The following PTPRN2 variants were observed in gnomAD, a reference collection of about 807,000 sequenced individuals.
The protein encoded by PTPRN2 is receptor-type tyrosine-protein phosphatase N2.
Under a neutral mutation model 118.8 loss-of-function variants are expected in PTPRN2, and 74 were observed. That is an observed-to-expected ratio of 0.62 (90% CI 0.52 to 0.76). The LOEUF (loss-of-function observed/expected upper bound fraction) is 0.76, where lower values mean the gene tolerates loss of function less well. Among genes scored for constraint, PTPRN2 ranks in the 30% least tolerant of loss-of-function variants. The probability of loss-of-function intolerance (pLI) is 0.00; values close to 1 mark genes in which losing one functional copy is unlikely to be tolerated. For synonymous variants in PTPRN2, 641 were observed against 608.0 expected (o/e 1.05, Z -0.80); for missense variants, 1,481 against 1,394.4 (o/e 1.06, Z -0.99).
chr7:158,404,276 C>T (rs925271932), intron 2 of PTPRN2, among the ~76,000 whole-genome samples: 7 of 152,224 alleles, frequency 4.6e-5, no homozygotes, highest in Non-Finnish European at 1.0e-4. Context: ...CGTGGGAAGA[C>T]GTCAGACCTT....
chr7:157,864,974 C>T (rs13239010), intron 12 of PTPRN2: 32,123 of 152,212 alleles, frequency 0.21, 3,488 homozygotes, highest in Admixed American at 0.24. Context: ...CGTGGTAGGA[C>T]CTGTGTCTCT....
intron 12 of PTPRN2, chr7:157,855,861 G>A (rs1809675062): frequency 6.6e-6 from 1 of 152,194 alleles, no homozygotes; most frequent in Non-Finnish European, 1.5e-5. Flanking sequence ...ATTATTTCAG[G>A]GACAGCCACC....
chr7:158,159,340 G>A lies in PTPRN2; in HGVS notation c.910+7591C>T, dbSNP rs535180470. 1.2e-4 allele frequency among the ~76,000 whole-genome samples: 18 copies of A among 152,302 alleles called. No individual in the cohort carries two copies. The South Asian group carries it at 3.7e-3, about 32-fold the overall frequency. On this transcript the variant is annotated intron_variant, in intron 6 of 22. Coordinates refer to ENST00000389418, the MANE Select transcript of PTPRN2 (RefSeq NM_002847.5). Reference sequence around the variant, plus strand: ...AGTGCACTTCCCACATGAACACCACGGGCCCCATCTTAGGACAGAGGCTGG... The same window carrying A: ...AGTGCACTTCCCACATGAACACCACAGGCCCCATCTTAGGACAGAGGCTGG...
intron 3 of PTPRN2, among the ~76,000 whole-genome samples, chr7:158,296,230 T>A (rs4412322): frequency 2.0e-5 from 3 of 152,014 alleles, no homozygotes; most frequent in Non-Finnish European, 4.4e-5. Context: ...AAGACCCTAG[T>A]GGGCAAAGAC....
intron 1 of PTPRN2, among the ~76,000 whole-genome samples, chr7:158,506,481 G>A (rs1478538336): frequency 2.0e-5 from 3 of 152,054 alleles, no homozygotes; most frequent in Non-Finnish European, 2.9e-5. Flanking sequence ...AAGCACACGG[G>A]AGAGGAACCC....
intron 2 of PTPRN2, among the ~76,000 whole-genome samples, chr7:158,475,233 C>A (rs1820159127): frequency 6.6e-6 from 1 of 151,926 alleles, no homozygotes; most frequent in Non-Finnish European, 1.5e-5. Flanking sequence ...CTGGGGAGGC[C>A]CCGAAGGGCC....
rs147284696 is a variant in PTPRN2, at chr7:158,410,291, A to G, written c.163+79444T>C. Among the ~76,000 whole-genome samples, 682 of 152,312 alleles carry G rather than the reference A, an allele frequency of 4.5e-3. 4 individuals carry two copies. The highest frequency in any genetic ancestry group is 0.016 in the African/African-American group (656 of 41,564). On this transcript the variant is annotated intron_variant, in intron 2 of 22. Coordinates refer to ENST00000389418, the MANE Select transcript of PTPRN2 (RefSeq NM_002847.5). ...GTCAACCTAACACGACACTCAGGAC[A>G]CAGCTGTCATCCCGAAGGCAGGAGA...
chr7:157,589,178 G>A (rs1271796357), intron 17 of PTPRN2, among the ~76,000 whole-genome samples: 1 of 152,138 alleles, frequency 6.6e-6, no homozygotes, highest in African/African-American at 2.4e-5. Flanking sequence ...TGAATCTGAC[G>A]CCTCCGGGGA....
At chr7:158,340,224 AC>A in intron 2 of PTPRN2, among the ~76,000 whole-genome samples, 1 of 90,804 alleles carries the variant, frequency 1.1e-5, no homozygotes, top group African/African-American at 3.8e-5. Context: ...TGATGCCGGC[AC>A]ACGTCACTCA....
chr7:158,492,321 G>A (rs911239001), intron 1 of PTPRN2, among the ~76,000 whole-genome samples: 18 of 152,356 alleles, frequency 1.2e-4, no homozygotes, highest in African/African-American at 3.8e-4. Context: ...CAGGGATGCT[G>A]CAGACACAGC....
At chr7:158,079,218 C>T (rs1282982741) in intron 11 of PTPRN2, among the ~76,000 whole-genome samples, 1 of 152,162 alleles carries the variant, frequency 6.6e-6, no homozygotes. Context: ...AAAAATCATG[C>T]ATGAATGTAA....
chr7:158,012,095 T>G (rs1806087709), intron 11 of PTPRN2, among the ~76,000 whole-genome samples: 1 of 152,298 alleles, frequency 6.6e-6, no homozygotes, highest in African/African-American at 2.4e-5. Flanking sequence ...CGTCCTGAAA[T>G]TGTTGGATAA....
chr7:158,230,474 T>C (rs1829091215), intron 3 of PTPRN2, among the ~76,000 whole-genome samples: 1 of 152,152 alleles, frequency 6.6e-6, no homozygotes, highest in Admixed American at 6.5e-5. Context: ...ATAGGCAGCA[T>C]ACAAATATGT....
At chr7:158,052,764 C>T (rs1040638193) in intron 11 of PTPRN2, among the ~76,000 whole-genome samples, 1 of 151,934 alleles carries the variant, frequency 6.6e-6, no homozygotes, top group African/African-American at 2.4e-5. Flanking sequence ...CACTGCTTTG[C>T]CTCGAGGGGG....
chr7:157,655,060 C>A (rs1805978003), intron 14 of PTPRN2, among the ~76,000 whole-genome samples: 1 of 152,266 alleles, frequency 6.6e-6, no homozygotes, highest in African/African-American at 2.4e-5. Flanking sequence ...GACAGGTCTG[C>A]CGAGTGAACT....
intron 2 of PTPRN2, among the ~76,000 whole-genome samples, chr7:158,353,836 T>C (rs1359516297): frequency 2.6e-5 from 4 of 152,270 alleles, no homozygotes; most frequent in Admixed American, 2.6e-4. Flanking sequence ...TTGGGTGCCC[T>C]GGCAGGAGAC....
chr7:157,599,397 A>G (rs1178370159), intron 16 of PTPRN2, among the ~76,000 whole-genome samples: 4 of 152,210 alleles, frequency 2.6e-5, no homozygotes, highest in African/African-American at 9.6e-5. Flanking sequence ...ATGTCATATG[A>G]ACTAGGATGC....
chr7:158,306,761 T>A (rs746338423), intron 3 of PTPRN2, among the ~76,000 whole-genome samples: 1 of 152,064 alleles, frequency 6.6e-6, no homozygotes, highest in Non-Finnish European at 1.5e-5. Flanking sequence ...CAAAGAAACA[T>A]GCAAATGTGC....
intron 12 of PTPRN2, among the ~76,000 whole-genome samples, chr7:157,790,201 C>T (rs1000948480): frequency 3.8e-4 from 31 of 81,664 alleles, no homozygotes; most frequent in Non-Finnish European, 5.5e-4. Flanking sequence ...GTGTGTGGTG[C>T]GTGGGGTGGT....
Sources: gnomAD v4.1 joint callset for allele counts (sites outside exome capture counted in the v4.1 genomes callset) on GRCh38, gnomAD v4.1.1 for gene constraint, MANE v1.5 for transcripts, NCBI Gene and HGNC (gene_info 2026-07-23, HGNC 2026-07-21) for gene names.